Variants in ZDHHC21 observed in about 807,000 individuals in gnomAD.
The protein encoded by ZDHHC21 is palmitoyltransferase ZDHHC21.
Under a neutral mutation model 34.6 loss-of-function variants are expected in ZDHHC21, and 15 were observed. That is an observed-to-expected ratio of 0.43 (90% CI 0.29 to 0.67). The LOEUF is 0.67. Ranked by LOEUF, ZDHHC21 falls within the 30% of genes least tolerant of loss-of-function variation. The probability of loss-of-function intolerance (pLI) is 0.14; values close to 1 mark genes in which losing one functional copy is unlikely to be tolerated. For synonymous variants in ZDHHC21, 142 were observed against 101.8 expected (o/e 1.40, Z -2.38); for missense variants, 344 against 327.7 (o/e 1.05, Z -0.38).
chr9:14,626,120 CA>C (rs1187530218), intron 8 of ZDHHC21, among the ~76,000 whole-genome samples: 1 of 151,884 alleles, frequency 6.6e-6, no homozygotes, highest in Non-Finnish European at 1.5e-5. Context: ...CTTTTAACAC[CA>C]AAATTATACT....
At chr9:14,673,520 T>C (rs1465723497) in intron 4 of ZDHHC21, among the ~76,000 whole-genome samples, 1 of 151,332 alleles carries the variant, frequency 6.6e-6, no homozygotes, top group Non-Finnish European at 1.5e-5. Context: ...AGAAATTCTG[T>C]TGGGGCGATA....
chr9:14,646,167 G>A (rs371421202), intron 7 of ZDHHC21, among the ~76,000 whole-genome samples: 5 of 151,986 alleles, frequency 3.3e-5, no homozygotes, highest in Non-Finnish European at 5.9e-5. Context: ...TCAACAGAAC[G>A]AATAAATGGC....
intron 5 of ZDHHC21, among the ~76,000 whole-genome samples, chr9:14,662,632 T>G (rs536685931): frequency 1.3e-5 from 2 of 152,290 alleles, no homozygotes; most frequent in Admixed American, 6.5e-5. Flanking sequence ...TAAAATCCAA[T>G]GACAAAACCC....
chr9:14,678,542 G>GA (rs1385733038), intron 3 of ZDHHC21, among the ~76,000 whole-genome samples: 1 of 151,692 alleles, frequency 6.6e-6, no homozygotes, highest in East Asian at 1.9e-4. Flanking sequence ...AGAGGGCACA[G>GA]AAAAAAAAGG....
rs1052893362 is a variant in ZDHHC21 at position 14,614,338 on chromosome 9, T to C, written c.*4628A>G. The C allele has an allele frequency of 1.3e-5, 2 of 151,724 alleles. No individual in the cohort carries two copies. The highest frequency in any genetic ancestry group is 3.0e-5 in the Non-Finnish European group (2 of 67,734). The allele number at this position is 151,724 out of a possible 1,614,324, so 9.4% of individuals were successfully genotyped here. Reference sequence around the variant, plus strand: ...TACCATTGTTATTTCTGTTTCAAATTAGCAGGCAGTATTGTAACATCTGAA... The same window carrying C: ...TACCATTGTTATTTCTGTTTCAAATCAGCAGGCAGTATTGTAACATCTGAA... On this transcript the variant is annotated 3_prime_UTR_variant, in exon 10 of 10. Coordinates refer to ENST00000380916, the MANE Select transcript of ZDHHC21 (RefSeq NM_178566.6).
intron 7 of ZDHHC21, among the ~76,000 whole-genome samples, chr9:14,657,335 A>G (rs1459286447): frequency 6.6e-6 from 1 of 152,170 alleles, no homozygotes; most frequent in Non-Finnish European, 1.5e-5. Flanking sequence ...AAGTTTACAT[A>G]TATTATTTCA....
chr9:14,652,394 G>A (rs1171035688), intron 7 of ZDHHC21, among the ~76,000 whole-genome samples: 3 of 151,752 alleles, frequency 2.0e-5, no homozygotes, highest in African/African-American at 4.8e-5. Context: ...CTTATCTCCT[G>A]CACATCTTAG....
chr9:14,664,814 A>T (rs1274029315), intron 5 of ZDHHC21, among the ~76,000 whole-genome samples: 3 of 150,358 alleles, frequency 2.0e-5, no homozygotes. Flanking sequence ...AAACTAACAA[A>T]CAGAAAGGAC....
At chr9:14,650,058 G>A (rs1405027891) in intron 7 of ZDHHC21, among the ~76,000 whole-genome samples, 12 of 152,080 alleles carry the variant, frequency 7.9e-5, no homozygotes, top group African/African-American at 2.6e-4. Flanking sequence ...AACTGACTAT[G>A]GAAACATGTT....
chr9:14,599,686 C>T, the ZDHHC21 span, among the ~76,000 whole-genome samples: 2 of 152,042 alleles, frequency 1.3e-5, no homozygotes, highest in Non-Finnish European at 2.9e-5. Flanking sequence ...CAGAGCCCAG[C>T]AAGCTAAGAT....
intron 5 of ZDHHC21, among the ~76,000 whole-genome samples, chr9:14,664,753 A>G (rs902558379): frequency 1.6e-4 from 25 of 152,090 alleles, no homozygotes; most frequent in South Asian, 1.0e-3. Context: ...CATCTCACAC[A>G]GCAGGGTATT....
chr9:14,685,669 A>G (rs985494777), intron 2 of ZDHHC21, among the ~76,000 whole-genome samples: 1 of 152,244 alleles, frequency 6.6e-6, no homozygotes, highest in African/African-American at 2.4e-5. Context: ...ATCTAGAACT[A>G]GAAATACCAT....
At chr9:14,664,073 A>G (rs1307913804) in intron 5 of ZDHHC21, among the ~76,000 whole-genome samples, 1 of 152,064 alleles carries the variant, frequency 6.6e-6, no homozygotes, top group Admixed American at 6.5e-5. Context: ...AAGACGGGTG[A>G]TTTCTGCATT....
intron 7 of ZDHHC21, among the ~76,000 whole-genome samples, chr9:14,644,123 C>T (rs1328472307): frequency 1.3e-5 from 2 of 152,142 alleles, no homozygotes; most frequent in African/African-American, 2.4e-5. Flanking sequence ...AGATTTAATT[C>T]AGCAATTTCC....
chr9:14,657,747 T>C (rs868695735), intron 7 of ZDHHC21, among the ~76,000 whole-genome samples: 3 of 152,202 alleles, frequency 2.0e-5, no homozygotes, highest in Non-Finnish European at 4.4e-5. Flanking sequence ...CGTTACCTCT[T>C]AGCCTGTCTT....
At chr9:14,639,236 G>A (rs1194159406) in intron 8 of ZDHHC21, among the ~76,000 whole-genome samples, 2 of 152,002 alleles carry the variant, frequency 1.3e-5, no homozygotes, top group African/African-American at 2.4e-5. Flanking sequence ...AGGTCATTAT[G>A]TTAAATGAAA....
At chr9:14,693,055 C>T (rs1309246182) in intron 1 of ZDHHC21, among the ~76,000 whole-genome samples, 174 bp downstream of exon 1, 1 of 151,336 alleles carries the variant, frequency 6.6e-6, no homozygotes, top group Admixed American at 6.6e-5. Flanking sequence ...GAGAAACCCC[C>T]GGGTTCCAAA....
At chr9:14,671,115 A>C (rs1835365119) in intron 5 of ZDHHC21, among the ~76,000 whole-genome samples, 1 of 152,060 alleles carries the variant, frequency 6.6e-6, no homozygotes, top group African/African-American at 2.4e-5. Flanking sequence ...ATATAAAACA[A>C]AACCAAAAAA....
At chr9:14,597,995 C>A in the ZDHHC21 span, among the ~76,000 whole-genome samples, 1 of 152,302 alleles carries the variant, frequency 6.6e-6, no homozygotes, top group South Asian at 2.1e-4. Flanking sequence ...GGTGCCCACA[C>A]ATGCTGCTTG....
Sources: allele counts gnomAD v4.1 joint callset (sites outside exome capture counted in the v4.1 genomes callset), GRCh38; gene constraint gnomAD v4.1.1; transcripts MANE v1.5; gene names NCBI Gene and HGNC (gene_info 2026-07-23, HGNC 2026-07-21).